Variants in FGF14 observed in about 807,000 individuals in gnomAD.
FGF14 encodes the protein fibroblast growth factor 14.
A neutral mutation model predicts 25.5 loss-of-function variants in FGF14; 5 were observed. That is an observed-to-expected ratio of 0.20 (90% CI 0.10 to 0.41). The LOEUF (loss-of-function observed/expected upper bound fraction) is 0.41. Among genes scored for constraint, FGF14 ranks in the 10% least tolerant of loss-of-function variants. The pLI, the probability that FGF14 is intolerant of heterozygous loss-of-function variation, is 1.00. For missense variants in FGF14, 222 were observed against 320.1 expected, an observed-to-expected ratio of 0.69 and a Z score of 2.34; for synonymous variants, 138 against 118.3, an observed-to-expected ratio of 1.17 and a Z score of -1.08.
At chr13:102,059,671 T>C (rs1294513353) in intron 1 of FGF14, among the ~76,000 whole-genome samples, 2 of 151,948 alleles carry the variant, frequency 1.3e-5, no homozygotes, top group Admixed American at 6.5e-5. Flanking sequence ...GCCAACGTGG[T>C]GAAACCACGT....
At chr13:102,316,439 T>C (rs2056027352) in intron 1 of FGF14, among the ~76,000 whole-genome samples, 1 of 152,194 alleles carries the variant, frequency 6.6e-6, no homozygotes, top group South Asian at 2.1e-4. Flanking sequence ...ACCCCATACA[T>C]ATATACAATT....
At chr13:102,033,910 G>T (rs1190457311) in intron 1 of FGF14, among the ~76,000 whole-genome samples, 1 of 152,014 alleles carries the variant, frequency 6.6e-6, no homozygotes, top group Admixed American at 6.6e-5. Flanking sequence ...CCCATATATT[G>T]CATGGTGTCA....
At chr13:102,373,537 T>A in intron 1 of FGF14, 1 of 152,158 alleles carries the variant, frequency 6.6e-6, no homozygotes, top group East Asian at 1.9e-4. Context: ...ATTGAAGTGA[T>A]TTTTATGATC....
chr13:102,242,704 G>A (rs1166800469), intron 1 of FGF14, among the ~76,000 whole-genome samples: 2 of 152,008 alleles, frequency 1.3e-5, no homozygotes, highest in Admixed American at 6.6e-5. Context: ...TATGCTTTTG[G>A]GGGAACACAT....
intron 1 of FGF14, among the ~76,000 whole-genome samples, chr13:102,294,414 CAA>C (rs56656066): frequency 1.6e-5 from 2 of 123,004 alleles, no homozygotes; most frequent in Non-Finnish European, 1.8e-5. Context: ...CTGTTTGGTC[CAA>C]AAAAAAAAAA....
rs547023053 is a variant in FGF14, at chr13:102,077,487, A to G, written c.209-202191T>C. On this transcript the variant is annotated intron_variant, in intron 1 of 4. Transcript: ENST00000376131. Reference sequence around the variant, plus strand: ...TTCTTAAAAACAGGTAAAGGATATGAATAGTTATCTCTCAAAAGGAGATAC... The same window carrying G: ...TTCTTAAAAACAGGTAAAGGATATGGATAGTTATCTCTCAAAAGGAGATAC... Among the ~76,000 whole-genome samples, 5 of 152,332 alleles carry G rather than the reference A, an allele frequency of 3.3e-5. No homozygotes were observed. In the South Asian group the frequency reaches 6.2e-4, roughly 19 times the overall value.
intron 3 of FGF14, among the ~76,000 whole-genome samples, chr13:101,763,022 A>G (rs1470733956): frequency 6.6e-6 from 1 of 152,158 alleles, no homozygotes; most frequent in African/African-American, 2.4e-5. Context: ...CATCTTTCAG[A>G]CCACTAACTG....
chr13:102,117,250 T>A (rs2045514750), intron 1 of FGF14, among the ~76,000 whole-genome samples: 1 of 152,232 alleles, frequency 6.6e-6, no homozygotes, highest in Non-Finnish European at 1.5e-5. Context: ...CTTGTCTGTT[T>A]ACTTGGCTTC....
In FGF14 at chr13:101,720,546, GTGTGTGTGTGTGTGTGTGTATA is replaced by G. The variant is rs890872967; in HGVS notation, c.*2263_*2284del. 4.6e-5 allele frequency: 7 copies of G among 151,224 alleles called. No homozygotes were observed. The highest frequency in any genetic ancestry group is 1.5e-4 in the African/African-American group (6 of 41,088). The allele number at this position is 151,224 out of a possible 1,614,324, so 9.4% of individuals were successfully genotyped here. ...GTGTTTGCTCTGTGTGTGTGTGTGT[GTGTGTGTGTGTGTGTGTGTATA>G]TGTGTGTGTTTGTGTGAAGTGAAGT... is the stretch of plus-strand genomic sequence containing the variant. On this transcript the variant is annotated 3_prime_UTR_variant, in exon 5 of 5. Transcript: ENST00000376143.
At chr13:102,099,297 CAG>C (rs1038697218) in intron 1 of FGF14, among the ~76,000 whole-genome samples, 13 of 152,174 alleles carry the variant, frequency 8.5e-5, no homozygotes, top group African/African-American at 3.1e-4. Flanking sequence ...ACAGAAATAA[CAG>C]AGTGCTTGCA....
rs2034856292 is a variant in FGF14 at position 101,719,660 on chromosome 13, T to C, written c.*3171A>G. 2 of 152,052 alleles carry C rather than the reference T, an allele frequency of 1.3e-5. No homozygotes were observed. Among genetic ancestry groups the C allele is most frequent in the African/African-American group, 4.8e-5 (2 of 41,436 alleles). The allele number at this position is 152,052 out of a possible 1,614,324, so 9.4% of individuals were successfully genotyped here. On this transcript the variant is annotated 3_prime_UTR_variant, in exon 5 of 5. Transcript: ENST00000376143. ...GGACTGGCAAAGCAATCAGCTACTATAACAAATCAGTAGAAATAACCCTCC... is the reference window on the plus strand; with the variant it reads ...GGACTGGCAAAGCAATCAGCTACTACAACAAATCAGTAGAAATAACCCTCC...
intron 1 of FGF14, among the ~76,000 whole-genome samples, chr13:101,935,673 AAAC>A (rs1436495363): frequency 6.6e-6 from 1 of 152,144 alleles, no homozygotes; most frequent in Non-Finnish European, 1.5e-5. Context: ...TGAGTCAATT[AAAC>A]CTCTTTCCTT....
intron 1 of FGF14, among the ~76,000 whole-genome samples, chr13:102,001,620 C>T (rs1224608415): frequency 1.3e-5 from 2 of 152,134 alleles, no homozygotes; most frequent in Non-Finnish European, 2.9e-5. Context: ...AAGAGATATA[C>T]TATTTACATT....
In FGF14 at chr13:102,083,077, A is replaced by T. The variant is rs189080306; in HGVS notation, c.209-207781T>A. On this transcript the variant is annotated intron_variant, in intron 1 of 4. Transcript: ENST00000376131. ...GCTTCCACAACCATCCGTCTAACAA[A>T]GCCAAGAAACCTGGAGTGTTCCTTG... Among the ~76,000 whole-genome samples the T allele has an allele frequency of 1.5e-3, 229 of 152,368 alleles. 3 individuals are homozygous for T. Among genetic ancestry groups the T allele is most frequent in the African/African-American group, 5.3e-3 (220 of 41,582 alleles).
intron 3 of FGF14, among the ~76,000 whole-genome samples, chr13:101,758,807 G>A (rs2037821981): frequency 6.6e-6 from 1 of 152,118 alleles, no homozygotes; most frequent in Non-Finnish European, 1.5e-5. Flanking sequence ...TGGGCCCCAT[G>A]AATTTCAAAT....
At chr13:102,314,309 T>C (rs2055914545) in intron 1 of FGF14, among the ~76,000 whole-genome samples, 1 of 152,208 alleles carries the variant, frequency 6.6e-6, no homozygotes, top group Non-Finnish European at 1.5e-5. Context: ...TCTCCACCGA[T>C]GGCCCCAAAC....
chr13:101,801,157 C>T (rs2040845952), intron 3 of FGF14, among the ~76,000 whole-genome samples: 1 of 152,148 alleles, frequency 6.6e-6, no homozygotes, highest in Non-Finnish European at 1.5e-5. Context: ...TAATTCTTTT[C>T]TTCACGTGAT....
intron 1 of FGF14, among the ~76,000 whole-genome samples, chr13:102,131,671 A>G (rs1173428470): frequency 6.6e-6 from 1 of 152,158 alleles, no homozygotes; most frequent in African/African-American, 2.4e-5. Flanking sequence ...CCAAAATCCT[A>G]TAGTATTTAA....
chr13:102,187,711 A>G (rs1213650801), intron 1 of FGF14, among the ~76,000 whole-genome samples: 1 of 152,206 alleles, frequency 6.6e-6, no homozygotes, highest in East Asian at 1.9e-4. Flanking sequence ...TCAGTCTGAA[A>G]GCCCACAAAA....
Sources: gnomAD v4.1 joint callset for allele counts (sites outside exome capture counted in the v4.1 genomes callset) on GRCh38, gnomAD v4.1.1 for gene constraint, MANE v1.5 for transcripts, NCBI Gene and HGNC (gene_info 2026-07-23, HGNC 2026-07-21) for gene names.